The following CDH13 variants were observed in gnomAD, a reference collection of about 807,000 sequenced individuals.
CDH13 encodes cadherin 13.
In CDH13, 24 loss-of-function variants were observed where a neutral mutation model predicts 63.8. The observed-to-expected ratio is 0.38, with a 90% CI of 0.27 to 0.53. CDH13 has a LOEUF of 0.53. Among genes scored for constraint, CDH13 ranks in the 20% least tolerant of loss-of-function variants. CDH13 has a pLI of 0.85. For missense variants in CDH13, 1,049 were observed against 903.1 expected, an observed-to-expected ratio of 1.16 and a Z score of -2.07; for synonymous variants, 503 against 355.3, an observed-to-expected ratio of 1.42 and a Z score of -4.67.
chr16:82,714,950 A>G (rs1414977250), intron 1 of CDH13, among the ~76,000 whole-genome samples: 1 of 117,668 alleles, frequency 8.5e-6, no homozygotes, highest in East Asian at 2.4e-4. Context: ...GAGCGATCAC[A>G]TTTCTCTTGT....
rs1597228611 is a variant in CDH13, at chr16:83,784,577, A to T, written c.2134+1105A>T. Among the ~76,000 whole-genome samples, 3 of 150,404 alleles carry T rather than the reference A, an allele frequency of 2.0e-5. No homozygotes were observed. In the East Asian group the frequency reaches 5.9e-4, roughly 30 times the overall value. ...AACCCGGGAGGCGGAGGTTGCAGTG[A>T]GCCAAGATCATGCCATTGATCTCCA... is the stretch of plus-strand genomic sequence containing the variant. On this transcript the variant is annotated intron_variant, in intron 13 of 13. Coordinates refer to ENST00000567109, the MANE Select transcript of CDH13 (RefSeq NM_001257.5).
chr16:82,927,582 C>T (rs2042343537), intron 2 of CDH13, among the ~76,000 whole-genome samples: 1 of 152,118 alleles, frequency 6.6e-6, no homozygotes, highest in Non-Finnish European at 1.5e-5. Context: ...TGGGAAACTC[C>T]AGCTTACATT....
chr16:83,471,716 G>A (rs1281325025), intron 6 of CDH13, among the ~76,000 whole-genome samples: 1 of 152,128 alleles, frequency 6.6e-6, no homozygotes, highest in Non-Finnish European at 1.5e-5. Context: ...TTGGAACCTG[G>A]GCTCTAAACC....
At chr16:83,072,417 A>T (rs1443729376) in intron 3 of CDH13, among the ~76,000 whole-genome samples, 1 of 152,182 alleles carries the variant, frequency 6.6e-6, no homozygotes, top group Non-Finnish European at 1.5e-5. Context: ...GACCATAAAC[A>T]CAATTAGTTT....
chr16:82,888,119 C>T (rs1328059530), intron 2 of CDH13, among the ~76,000 whole-genome samples: 1 of 152,022 alleles, frequency 6.6e-6, no homozygotes, highest in Non-Finnish European at 1.5e-5. Context: ...TTCTGAGATC[C>T]AAGTTCCAAA....
At chr16:82,975,309 T>C (rs1909348471) in intron 2 of CDH13, among the ~76,000 whole-genome samples, 1 of 152,146 alleles carries the variant, frequency 6.6e-6, no homozygotes, top group African/African-American at 2.4e-5. Context: ...CCCGTGCGCC[T>C]TGTGAGGACA....
chr16:82,965,153 C>G (rs1292873314), intron 2 of CDH13, among the ~76,000 whole-genome samples: 1 of 152,234 alleles, frequency 6.6e-6, no homozygotes, highest in Non-Finnish European at 1.5e-5. Context: ...TGCAGTTTCT[C>G]TCATCCCACT....
chr16:83,284,788 A>G lies in CDH13; in HGVS notation c.637-60074A>G, dbSNP rs547829179. ...AAATAGTGTTAATATAATACAAAAT[A>G]CTATAGTATAATACAATATAATGTG... On this transcript the variant is annotated intron_variant, in intron 5 of 13. Coordinates refer to ENST00000567109, the MANE Select transcript of CDH13 (RefSeq NM_001257.5). 3.3e-5 allele frequency among the ~76,000 whole-genome samples: 5 copies of G among 152,260 alleles called. No individual in the cohort carries two copies. The East Asian group carries it at 9.6e-4, about 29-fold the overall frequency.
At chr16:83,501,188 T>C (rs895254081) in intron 7 of CDH13, among the ~76,000 whole-genome samples, 2 of 152,280 alleles carry the variant, frequency 1.3e-5, no homozygotes, top group African/African-American at 2.4e-5. Context: ...TTTGTGGTTA[T>C]ATGTTTCTAA....
In CDH13 at chr16:82,915,248, A is replaced by G. The variant is rs377666219; in HGVS notation, c.157+56775A>G. Reference sequence around the variant, plus strand: ...CAATCAAGGCGGTCTTAGGATATAGATTTAATATCGCAAGAGTCTAATGTA... The same window carrying G: ...CAATCAAGGCGGTCTTAGGATATAGGTTTAATATCGCAAGAGTCTAATGTA... On this transcript the variant is annotated intron_variant, in intron 2 of 13. Transcript: ENST00000567109. Among the ~76,000 whole-genome samples the G allele has an allele frequency of 4.6e-5, 7 of 152,308 alleles. No individual in the cohort carries two copies. In the South Asian group the frequency reaches 1.5e-3, roughly 32 times the overall value.
chr16:82,902,020 A>T (rs1046276682), intron 2 of CDH13, among the ~76,000 whole-genome samples: 6 of 152,202 alleles, frequency 3.9e-5, no homozygotes, highest in Non-Finnish European at 8.8e-5. Context: ...TCACATAGCT[A>T]TTACGTGGCA....
chr16:83,009,756 T>A (rs930944700), intron 2 of CDH13, among the ~76,000 whole-genome samples: 5 of 152,214 alleles, frequency 3.3e-5, no homozygotes, highest in African/African-American at 1.2e-4. Context: ...TTATGCCATC[T>A]AGGAAATTAA....
At chr16:83,594,641 C>T (rs1026301194) in intron 7 of CDH13, among the ~76,000 whole-genome samples, 1 of 152,162 alleles carries the variant, frequency 6.6e-6, no homozygotes, top group African/African-American at 2.4e-5. Flanking sequence ...ATGTAGAGTG[C>T]AGTTCAAGAC....
chr16:83,442,245 C>A (rs1455828124), intron 6 of CDH13, among the ~76,000 whole-genome samples: 1 of 152,174 alleles, frequency 6.6e-6, no homozygotes, highest in Admixed American at 6.5e-5. Flanking sequence ...TAAAATGAGA[C>A]AAGAAGGTAT....
At chr16:83,016,548 G>A (rs915275218) in intron 2 of CDH13, among the ~76,000 whole-genome samples, 1 of 152,160 alleles carries the variant, frequency 6.6e-6, no homozygotes, top group Non-Finnish European at 1.5e-5. Context: ...TGTGGAAGCT[G>A]GCCTTCTGCA....
At chr16:83,592,493 G>C (rs908468853) in intron 7 of CDH13, among the ~76,000 whole-genome samples, 2 of 152,184 alleles carry the variant, frequency 1.3e-5, no homozygotes, top group Non-Finnish European at 2.9e-5. Flanking sequence ...GCCTACAGGA[G>C]ATGCTTTTTC....
At chr16:83,735,481 T>C (rs968098546) in intron 10 of CDH13, 4 of 152,216 alleles carry the variant, frequency 2.6e-5, no homozygotes, top group African/African-American at 9.6e-5. Flanking sequence ...TTATGAGGCA[T>C]AATGTGATGG....
At chr16:82,831,922 C>T (rs774739973) in intron 1 of CDH13, among the ~76,000 whole-genome samples, 24 of 152,186 alleles carry the variant, frequency 1.6e-4, no homozygotes, top group Non-Finnish European at 2.5e-4. Flanking sequence ...GGTGAAATTA[C>T]ATCAAGGATG....
chr16:82,652,462 C>T (rs1347451300), intron 1 of CDH13, among the ~76,000 whole-genome samples: 1 of 152,188 alleles, frequency 6.6e-6, no homozygotes, highest in African/African-American at 2.4e-5. Flanking sequence ...TGAAGATAGA[C>T]AGGTGGTTGC....
Sources: allele counts gnomAD v4.1 joint callset (sites outside exome capture counted in the v4.1 genomes callset), GRCh38; gene constraint gnomAD v4.1.1; transcripts MANE v1.5; gene names NCBI Gene and HGNC (gene_info 2026-07-23, HGNC 2026-07-21).